Variants in FAM178B observed in about 807,000 individuals in gnomAD.
FAM178B encodes protein FAM178B.
A neutral mutation model predicts 91.7 loss-of-function variants in FAM178B; 82 were observed. That is an observed-to-expected ratio of 0.89 (90% CI 0.75 to 1.07). The LOEUF (loss-of-function observed/expected upper bound fraction) is 1.07, where lower values mean the gene tolerates loss of function less well. FAM178B is among the 50% of genes least tolerant of loss of function. FAM178B has a pLI of 0.00. For synonymous variants in FAM178B, 368 were observed against 359.4 expected, an observed-to-expected ratio of 1.02 and a Z score of -0.27; for missense variants, 769 against 846.7, an observed-to-expected ratio of 0.91 and a Z score of 1.14.
chr2:96,893,451 G>A (rs2080730601), intron 14 of FAM178B, among the ~76,000 whole-genome samples: 2 of 152,138 alleles, frequency 1.3e-5, no homozygotes, highest in Non-Finnish European at 2.9e-5. Context: ...ACTGGGGACA[G>A]GCCAAGGACT....
intron 3 of FAM178B, among the ~76,000 whole-genome samples, chr2:96,970,982 C>A (rs2082209609): frequency 1.3e-5 from 2 of 151,932 alleles, no homozygotes; most frequent in South Asian, 4.1e-4. Flanking sequence ...GCCACCTGTT[C>A]CCTCCCCACA....
intron 14 of FAM178B, among the ~76,000 whole-genome samples, chr2:96,888,675 A>G (rs2080587847): frequency 6.6e-6 from 1 of 152,246 alleles, no homozygotes; most frequent in Non-Finnish European, 1.5e-5. Context: ...GCGAAGCAGT[A>G]AAACTTGTTT....
chr2:96,913,848 T>C (rs926926184), intron 12 of FAM178B, among the ~76,000 whole-genome samples: 11 of 152,096 alleles, frequency 7.2e-5, no homozygotes, highest in East Asian at 1.9e-4. Flanking sequence ...AGCATCCAAG[T>C]GGTTAGGCCT....
Position 96,986,396 on chromosome 2 carries a change from A to AAAGGAAGCAGC in FAM178B, c.-84_-83insGCTGCTTCCTT. On this transcript the variant is annotated 5_prime_UTR_variant, in exon 1 of 17. Coordinates refer to ENST00000490605, the MANE Select transcript of FAM178B (RefSeq NM_001122646.3). Reference sequence around the variant, plus strand: ...CAGAGGACGGGGCCAGCTAGCCGGGAAAGGAAGCAGGAGCAGGCTCCCCAG... The same window carrying AAAGGAAGCAGC: ...CAGAGGACGGGGCCAGCTAGCCGGGAAAGGAAGCAGCAAGGAAGCAGGAGCAGGCTCCCCAG... 6.8e-7 allele frequency: 1 copy of AAAGGAAGCAGC among 1,474,272 alleles called. No homozygotes were observed. The highest frequency in any genetic ancestry group is 9.0e-7 in the Non-Finnish European group (1 of 1,114,212). 91.3% of individuals were successfully genotyped at this position (1,474,272 alleles called of 1,614,324 possible). A position where few individuals can be genotyped will look rare whatever the true frequency, so the allele number is the denominator to read the frequency against.
At chr2:96,982,780 A>G (rs2082378947) in intron 1 of FAM178B, among the ~76,000 whole-genome samples, 1 of 99,050 alleles carries the variant, frequency 1.0e-5, no homozygotes, top group Admixed American at 1.5e-4. Flanking sequence ...GGTTCTTGCT[A>G]TGTTGCCCAG....
Position 96,965,300 on chromosome 2 carries a change from T to A in FAM178B, c.734+2220A>T, listed in dbSNP as rs554558032. Among the ~76,000 whole-genome samples, 79 of 152,120 alleles carry A rather than the reference T, an allele frequency of 5.2e-4. No individual in the cohort carries two copies. In the Middle Eastern group the frequency reaches 0.017, roughly 33 times the overall value. On this transcript the variant is annotated intron_variant, in intron 5 of 16. Transcript: ENST00000490605. ...TGGGATTACAAGATGAGAGCCACCA[T>A]GCTCTGCCCTGGTTTTGTGGCTTTA...
chr2:96,917,312 T>G (rs1259601432), intron 12 of FAM178B, among the ~76,000 whole-genome samples: 1 of 152,210 alleles, frequency 6.6e-6, no homozygotes, highest in Non-Finnish European at 1.5e-5. Context: ...TCCTTCCTAG[T>G]AAAGCTCTTG....
chr2:96,964,582 A>G (rs1409936648), intron 5 of FAM178B, among the ~76,000 whole-genome samples: 1 of 152,112 alleles, frequency 6.6e-6, no homozygotes, highest in Non-Finnish European at 1.5e-5. Flanking sequence ...CCTCCCTAGC[A>G]TCGATTCCCC....
At chr2:96,973,206 CA>C (rs11308380) in intron 1 of FAM178B, among the ~76,000 whole-genome samples, 111,300 of 138,322 alleles carry the variant, frequency 0.8, 45,344 homozygotes, top group Non-Finnish European at 0.86. Flanking sequence ...GACTCCATTT[CA>C]AAAAAAAAAA....
At chr2:96,936,080 G>T (rs536771813) in intron 8 of FAM178B, among the ~76,000 whole-genome samples, 1 of 152,168 alleles carries the variant, frequency 6.6e-6, no homozygotes, top group East Asian at 1.9e-4. Context: ...TGGGAGTGGA[G>T]AATGAGTATA....
chr2:96,890,183 G>A (rs4907259), intron 14 of FAM178B, among the ~76,000 whole-genome samples: 38,410 of 152,070 alleles, frequency 0.25, 6,167 homozygotes, highest in South Asian at 0.67. Context: ...TCTCAGGCAC[G>A]AGAATCGCTT....
At chr2:96,886,774 A>G (rs917673718) in intron 14 of FAM178B, among the ~76,000 whole-genome samples, 29 of 152,114 alleles carry the variant, frequency 1.9e-4, no homozygotes, top group African/African-American at 6.3e-4. Context: ...GACCTTCCCC[A>G]CTGTGCTTGG....
intron 4 of FAM178B, among the ~76,000 whole-genome samples, chr2:96,968,990 A>G (rs1246309527): frequency 6.6e-6 from 1 of 152,098 alleles, no homozygotes; most frequent in East Asian, 1.9e-4. Flanking sequence ...CCCTCCCACC[A>G]AACAAAACTT....
intron 8 of FAM178B, among the ~76,000 whole-genome samples, chr2:96,934,566 T>C (rs1051359827): frequency 3.3e-5 from 5 of 152,162 alleles, no homozygotes; most frequent in African/African-American, 1.2e-4. Flanking sequence ...CCATTTCCTA[T>C]TTTAAAAACA....
intron 16 of FAM178B, 152 bp from the exon 17 acceptor site, chr2:96,876,460 C>G: frequency 1.0e-6 from 1 of 953,494 alleles, no homozygotes; most frequent in Non-Finnish European, 1.6e-6. Context: ...ACACTACTGG[C>G]GAGGACACAG....
intron 9 of FAM178B, among the ~76,000 whole-genome samples, chr2:96,927,117 T>C (rs1231144548): frequency 6.6e-6 from 1 of 152,180 alleles, no homozygotes; most frequent in Non-Finnish European, 1.5e-5. Flanking sequence ...AAGGATGCCA[T>C]ACCCTTGGGG....
intron 14 of FAM178B, among the ~76,000 whole-genome samples, chr2:96,887,891 C>T (rs532898272): frequency 1.3e-4 from 20 of 152,322 alleles, no homozygotes; most frequent in African/African-American, 4.1e-4. Flanking sequence ...GGAGCAGGCC[C>T]GGGTGCTGCC....
chr2:96,934,247 G>A (rs563939494), intron 8 of FAM178B, among the ~76,000 whole-genome samples: 1 of 152,330 alleles, frequency 6.6e-6, no homozygotes, highest in East Asian at 1.9e-4. Context: ...GGGTGGTCAG[G>A]GGACGCTGGA....
chr2:96,932,941 CAAA>C (rs35133795), intron 8 of FAM178B, among the ~76,000 whole-genome samples: 18 of 33,864 alleles, frequency 5.3e-4, no homozygotes, highest in African/African-American at 1.6e-3. Flanking sequence ...CTCCGTCTCA[CAAA>C]AAAAAAAAAA....
Sources: gnomAD v4.1 joint callset for allele counts (sites outside exome capture counted in the v4.1 genomes callset) on GRCh38, gnomAD v4.1.1 for gene constraint, MANE v1.5 for transcripts, NCBI Gene and HGNC (gene_info 2026-07-23, HGNC 2026-07-21) for gene names.